COMMD1: variants seen among roughly 807,000 people sequenced by gnomAD.
COMMD1 encodes COMM domain-containing protein 1.
In COMMD1, 10 loss-of-function variants were observed where a neutral mutation model predicts 17.2. The ratio of observed to expected loss-of-function variants is 0.58; its 90% CI spans 0.36 to 0.99. The LOEUF (loss-of-function observed/expected upper bound fraction) is 0.99, where lower values mean the gene tolerates loss of function less well. Among genes scored for constraint, COMMD1 ranks in the 50% least tolerant of loss-of-function variants. The probability of loss-of-function intolerance (pLI) is 0.01; values close to 1 mark genes in which losing one functional copy is unlikely to be tolerated. For synonymous variants in COMMD1, 97 were observed against 91.6 expected, an observed-to-expected ratio of 1.06 and a Z score of -0.34; for missense variants, 270 against 231.8, an observed-to-expected ratio of 1.17 and a Z score of -1.07.
chr2:61,905,669 T>G, upstream of COMMD1: 2 of 1,542,702 alleles, frequency 1.3e-6, no homozygotes, highest in Non-Finnish European at 1.8e-6. Flanking sequence ...GGGCGGGGCC[T>G]TCGCAGAGCA....
intron 2 of COMMD1, among the ~76,000 whole-genome samples, chr2:62,033,602 G>T (rs969072220): frequency 6.6e-6 from 1 of 151,672 alleles, no homozygotes; most frequent in Non-Finnish European, 1.5e-5. Context: ...AAAATGTTAA[G>T]CTACTTCTTA....
chr2:62,098,220 G>T (rs576454512), intron 2 of COMMD1, among the ~76,000 whole-genome samples: 1 of 146,934 alleles, frequency 6.8e-6, no homozygotes, highest in Non-Finnish European at 1.5e-5. Flanking sequence ...GCAATGGCGC[G>T]ATCTTGGCTC....
At chr2:62,107,615 T>C (rs1277684267) in intron 2 of COMMD1, among the ~76,000 whole-genome samples, 1 of 152,222 alleles carries the variant, frequency 6.6e-6, no homozygotes, top group East Asian at 1.9e-4. Context: ...GTTTACATTC[T>C]AAATGTTTTT....
At chr2:61,915,073 C>T (rs1250783531) in intron 1 of COMMD1, among the ~76,000 whole-genome samples, 3 of 148,716 alleles carry the variant, frequency 2.0e-5, no homozygotes, top group African/African-American at 5.0e-5. Flanking sequence ...GGCATGATCT[C>T]GGCTCACTGC....
intron 1 of COMMD1, among the ~76,000 whole-genome samples, chr2:61,907,502 A>G (rs192664482): frequency 4.7e-4 from 72 of 152,186 alleles, no homozygotes; most frequent in African/African-American, 1.7e-3. Flanking sequence ...TTGGTCTCCT[A>G]TGGGGATGAG....
chr2:61,954,858 A>G (rs1370942016), intron 1 of COMMD1, among the ~76,000 whole-genome samples: 1 of 152,152 alleles, frequency 6.6e-6, no homozygotes, highest in Non-Finnish European at 1.5e-5. Flanking sequence ...TATTTTTAGT[A>G]GAGACGGGGT....
intron 1 of COMMD1, among the ~76,000 whole-genome samples, chr2:61,995,708 G>A (rs1668735627): frequency 6.6e-6 from 1 of 152,186 alleles, no homozygotes; most frequent in Non-Finnish European, 1.5e-5. Flanking sequence ...TAACTGTTGA[G>A]GCTTTGGCCC....
chr2:62,131,686 G>T (rs1673037428), intron 2 of COMMD1, among the ~76,000 whole-genome samples: 1 of 152,062 alleles, frequency 6.6e-6, no homozygotes, highest in East Asian at 1.9e-4. Context: ...GGGACTACAG[G>T]CACATGCCAC....
chr2:62,080,371 T>G lies in COMMD1; in HGVS notation c.463-55460T>G, dbSNP rs554153399. Among the ~76,000 whole-genome samples, 304 of 152,276 alleles carry G rather than the reference T, an allele frequency of 2.0e-3. 1 individual carries two copies. The highest frequency in any genetic ancestry group is 6.9e-3 in the African/African-American group (285 of 41,548). On this transcript the variant is annotated intron_variant, in intron 2 of 2. Coordinates refer to ENST00000311832, the MANE Select transcript of COMMD1 (RefSeq NM_152516.4). ...GCCCTGTTCCTAGTACCCAGTAGAG[T>G]TGGCTGAAAATAAGTATACTTTGAG...
intron 1 of COMMD1, among the ~76,000 whole-genome samples, chr2:61,971,070 G>T (rs994598288): frequency 6.6e-6 from 1 of 152,062 alleles, no homozygotes; most frequent in Non-Finnish European, 1.5e-5. Flanking sequence ...CGCCATGCCC[G>T]GCTAATTTTT....
chr2:61,910,182 G>T (rs544210594), intron 1 of COMMD1, among the ~76,000 whole-genome samples: 23 of 152,086 alleles, frequency 1.5e-4, no homozygotes, highest in African/African-American at 5.5e-4. Context: ...TATTTAAGGA[G>T]ATAACATCCT....
At chr2:62,116,466 G>T (rs535371138) in intron 2 of COMMD1, among the ~76,000 whole-genome samples, 1 of 152,242 alleles carries the variant, frequency 6.6e-6, no homozygotes, top group African/African-American at 2.4e-5. Context: ...GAGGTCAGGA[G>T]TTCAAGACCA....
intron 2 of COMMD1, among the ~76,000 whole-genome samples, chr2:62,123,870 G>A (rs989102753): frequency 1.3e-5 from 2 of 151,952 alleles, no homozygotes; most frequent in African/African-American, 4.9e-5. Flanking sequence ...GAGTATTTAT[G>A]TGTTTAAAAC....
intron 2 of COMMD1, among the ~76,000 whole-genome samples, chr2:62,049,764 C>T (rs576504982): frequency 1.3e-5 from 2 of 152,122 alleles, no homozygotes; most frequent in East Asian, 3.9e-4. Flanking sequence ...ATTAAAAGTT[C>T]CTCTGGTATA....
intron 1 of COMMD1, 42 bp from the exon 2 acceptor site, chr2:62,000,659 C>T (rs1197362632): frequency 6.3e-7 from 1 of 1,575,546 alleles, no homozygotes; most frequent in South Asian, 1.1e-5. Flanking sequence ...TTCTAATTAC[C>T]TATTTAATTC....
chr2:62,013,227 A>G (rs1056509064), intron 2 of COMMD1, among the ~76,000 whole-genome samples: 1 of 151,912 alleles, frequency 6.6e-6, no homozygotes, highest in African/African-American at 2.4e-5. Flanking sequence ...TGAAACCTCC[A>G]TGTGATGTTA....
At chr2:61,920,873 A>G (rs1216417934) in intron 1 of COMMD1, among the ~76,000 whole-genome samples, 1 of 150,722 alleles carries the variant, frequency 6.6e-6, no homozygotes, top group East Asian at 1.9e-4. Flanking sequence ...GGAGGTATAT[A>G]TGTTTATATA....
rs547574101 is a variant in COMMD1, at chr2:62,090,458, G to T, written c.463-45373G>T. 1.5e-3 allele frequency among the ~76,000 whole-genome samples: 233 copies of T among 152,304 alleles called. 2 individuals carry two copies. Among genetic ancestry groups the T allele is most frequent in the African/African-American group, 4.5e-3 (185 of 41,562 alleles). On this transcript the variant is annotated intron_variant, in intron 2 of 2. Transcript: ENST00000311832. ...ATTTAATGTCTCTTCTGGCCAATTT[G>T]TCTCCATAGATATAACATCCTGAGG... is the stretch of plus-strand genomic sequence containing the variant.
At chr2:61,917,566 C>T (rs956849338) in intron 1 of COMMD1, among the ~76,000 whole-genome samples, 3 of 151,394 alleles carry the variant, frequency 2.0e-5, no homozygotes, top group Non-Finnish European at 4.4e-5. Context: ...CTCGCTGTGT[C>T]TCCCAGGTTG....
Sources: gnomAD v4.1 joint callset for allele counts (sites outside exome capture counted in the v4.1 genomes callset) on GRCh38, gnomAD v4.1.1 for gene constraint, MANE v1.5 for transcripts, NCBI Gene and HGNC (gene_info 2026-07-23, HGNC 2026-07-21) for gene names.